SDK2: variants seen among roughly 807,000 people sequenced by gnomAD.
The protein encoded by SDK2 is protein sidekick-2.
A neutral mutation model predicts 253.9 loss-of-function variants in SDK2; 105 were observed. The observed-to-expected ratio is 0.41, with a 90% CI of 0.35 to 0.49. The LOEUF (loss-of-function observed/expected upper bound fraction) is 0.49, where lower values mean the gene tolerates loss of function less well. SDK2 is among the 20% of genes least tolerant of loss of function. SDK2 has a pLI of 0.06. For missense variants in SDK2, 2,608 were observed against 3,003.0 expected (o/e 0.87, Z 3.07); for synonymous variants, 1,249 against 1,234.9 (o/e 1.01, Z -0.24).
intron 2 of SDK2, among the ~76,000 whole-genome samples, chr17:73,495,640 GTGTGTT>G (rs1342059159): frequency 4.0e-5 from 6 of 149,474 alleles, no homozygotes; most frequent in Non-Finnish European, 6.0e-5. Context: ...GTGTGTGTGT[GTGTGTT>G]TGTTTGTGTA....
intron 44 of SDK2, among the ~76,000 whole-genome samples, chr17:73,343,040 C>G (rs2062452517): frequency 6.6e-6 from 1 of 152,176 alleles, no homozygotes; most frequent in Admixed American, 6.5e-5. Context: ...GCTGATACCC[C>G]ACCCACTAAC....
Position 73,338,880 on chromosome 17 carries a change from G to A in SDK2, c.6226C>T (p.His2076Tyr), listed in dbSNP as rs764171975. The A allele has an allele frequency of 3.1e-6, 5 of 1,614,030 alleles. No homozygotes were observed. The highest frequency in any genetic ancestry group is 4.2e-6 in the Non-Finnish European group (5 of 1,179,908). ...NHQKAHSFVN[H>Y]YISDPTYYNS... ...TAGTATGTGGGGTCACTGATGTAGTGGTTGACAAAGGAGTGGGCCTTCTGG... is the reference window on the plus strand; with the variant it reads ...TAGTATGTGGGGTCACTGATGTAGTAGTTGACAAAGGAGTGGGCCTTCTGG... The change falls in exon 45 of 45, where the codon CAC becomes TAC. Residue 2076 changes from histidine to tyrosine, a missense_variant. By Grantham distance (83) the His-to-Tyr change is moderately conservative. Coordinates refer to ENST00000392650, the MANE Select transcript of SDK2 (RefSeq NM_001144952.2). This position sits in a 1 kb window ranked among gnomAD's most constrained non-coding sequence, Gnocchi z 5.0.
intron 3 of SDK2, among the ~76,000 whole-genome samples, chr17:73,464,000 C>G (rs770009638): frequency 1.3e-5 from 2 of 152,232 alleles, no homozygotes; most frequent in Non-Finnish European, 1.5e-5. Flanking sequence ...TCCACCAACA[C>G]TTGGTGTTGT....
chr17:73,399,166 A>C lies in SDK2; in HGVS notation c.3093+2T>G, dbSNP rs758637505. The stretch of plus-strand genomic sequence containing the variant: ...GCTGGTCAGGCCCCAGGCCTGCCCT[A>C]CCTGGGCTTCCACCAGCCAGCGGGA... On this transcript the variant is annotated splice_donor_variant, in intron 22 of 44. Transcript: ENST00000392650. LOFTEE classifies it high-confidence loss of function. 1.2e-6 allele frequency: 2 copies of C among 1,613,408 alleles called. No homozygotes were observed. The highest frequency in any genetic ancestry group is 1.7e-6 in the Non-Finnish European group (2 of 1,179,846).
chr17:73,548,151 C>A (rs1250949973), intron 1 of SDK2, among the ~76,000 whole-genome samples: 1 of 152,180 alleles, frequency 6.6e-6, no homozygotes, highest in Non-Finnish European at 1.5e-5. Flanking sequence ...AGAGCCAAAC[C>A]CTATCAATGG....
intron 30 of SDK2, among the ~76,000 whole-genome samples, chr17:73,387,035 A>G: frequency 6.6e-6 from 1 of 152,136 alleles, no homozygotes; most frequent in East Asian, 1.9e-4. Context: ...ATCTTGGCTC[A>G]CTGCAACCTC....
At chr17:73,414,175 G>A (rs895150800) in intron 18 of SDK2, among the ~76,000 whole-genome samples, 1 of 151,732 alleles carries the variant, frequency 6.6e-6, no homozygotes, top group African/African-American at 2.4e-5. Context: ...AGCCTCCCGA[G>A]TAGCTGGGAT....
intron 1 of SDK2, among the ~76,000 whole-genome samples, chr17:73,513,408 A>G (rs1220304010): frequency 6.6e-6 from 1 of 152,102 alleles, no homozygotes; most frequent in Non-Finnish European, 1.5e-5. Context: ...ATAAGATACC[A>G]TTTTTTCCCT....
At chr17:73,550,698 G>T (rs560310352) in intron 1 of SDK2, among the ~76,000 whole-genome samples, 3 of 152,210 alleles carry the variant, frequency 2.0e-5, no homozygotes, top group African/African-American at 7.2e-5. Context: ...GGCTATACTC[G>T]CACAGAAGGA....
chr17:73,504,608 G>A (rs1308140190), intron 2 of SDK2: 1 of 146,800 alleles, frequency 6.8e-6, no homozygotes, highest in Non-Finnish European at 1.5e-5. Context: ...CTCCAGCCTG[G>A]GGGACAGAGC....
At chr17:73,602,724 TTTGTTGTTG>T (rs563554447) in intron 1 of SDK2, among the ~76,000 whole-genome samples, 1 of 151,408 alleles carries the variant, frequency 6.6e-6, no homozygotes, top group Non-Finnish European at 1.5e-5. Context: ...CTGGCGCTAT[TTTGTTGTTG>T]TTGTTGTTGT....
At chr17:73,527,545 C>T (rs1357214859) in intron 1 of SDK2, among the ~76,000 whole-genome samples, 2 of 152,120 alleles carry the variant, frequency 1.3e-5, no homozygotes, top group African/African-American at 4.8e-5. Flanking sequence ...GAAGAGGGAA[C>T]AGGAGAAGAA....
chr17:73,504,208 G>GTA (rs1193686765), intron 2 of SDK2: 10 of 148,544 alleles, frequency 6.7e-5, no homozygotes, highest in African/African-American at 2.5e-4. Context: ...GTGTGTGTGT[G>GTA]TGTGTGTGAG....
chr17:73,557,098 G>A (rs2145845523), intron 1 of SDK2, among the ~76,000 whole-genome samples: 1 of 152,334 alleles, frequency 6.6e-6, no homozygotes, highest in East Asian at 1.9e-4. Context: ...ATAAAACCGA[G>A]CAAATCAATT....
rs2045996727 is a variant in SDK2 at position 73,612,982 on chromosome 17, C to A, written c.64+31043G>T. ...AGCCTACCAGATGTTTAGTATACAC[C>A]AGGCTCTGTGCGACATGCTGTCTGA... is the stretch of plus-strand genomic sequence containing the variant. On this transcript the variant is annotated intron_variant, in intron 1 of 44. Transcript: ENST00000392650. The surrounding 1 kb of genome is among the most constrained non-coding windows in gnomAD (Gnocchi z 4.4). 6.6e-6 allele frequency among the ~76,000 whole-genome samples: 1 copy of A among 152,132 alleles called. No homozygotes were observed. The highest frequency in any genetic ancestry group is 2.1e-4 in the South Asian group (1 of 4,822).
intron 3 of SDK2, among the ~76,000 whole-genome samples, chr17:73,459,828 T>C (rs1225334628): frequency 6.6e-6 from 1 of 152,170 alleles, no homozygotes; most frequent in East Asian, 1.9e-4. Context: ...TGTGCCCAGC[T>C]AGGACAAAAC....
intron 3 of SDK2, among the ~76,000 whole-genome samples, chr17:73,469,992 G>GCGCGCGCACA (rs1328450219): frequency 9.7e-4 from 123 of 126,254 alleles, no homozygotes; most frequent in African/African-American, 3.0e-3. Flanking sequence ...GCGCGCGCGC[G>GCGCGCGCACA]CACACACACA....
intron 2 of SDK2, among the ~76,000 whole-genome samples, chr17:73,493,742 C>T (rs1244107301): frequency 1.3e-5 from 2 of 152,186 alleles, no homozygotes; most frequent in Non-Finnish European, 2.9e-5. Flanking sequence ...CTAATGAAGG[C>T]ATGTTGTGCA....
rs967984692 is a variant in SDK2 at position 73,361,959 on chromosome 17, C to T, written c.5306-114G>A. On this transcript the variant is annotated intron_variant, in intron 38 of 44. Coordinates refer to ENST00000392650, the MANE Select transcript of SDK2 (RefSeq NM_001144952.2). This position sits in a 1 kb window ranked among gnomAD's most constrained non-coding sequence, Gnocchi z 4.1. Reference sequence around the variant, plus strand: ...GCCCCGGGACCCTGGGTAGGGGCCTCACTCCTTGAGGTCAGGCTGAAATGC... The same window carrying T: ...GCCCCGGGACCCTGGGTAGGGGCCTTACTCCTTGAGGTCAGGCTGAAATGC... 1.4e-5 allele frequency: 14 copies of T among 1,029,920 alleles called. No individual in the cohort carries two copies. In the Admixed American group the frequency reaches 2.5e-4, roughly 18 times the overall value. 63.8% of individuals were successfully genotyped at this position (1,029,920 alleles called of 1,614,324 possible).
Sources: gnomAD v4.1 joint callset for allele counts (sites outside exome capture counted in the v4.1 genomes callset) on GRCh38, gnomAD v4.1.1 for gene constraint, Gnocchi (gnomAD v3.1) non-coding constraint, MANE v1.5 for transcripts, NCBI Gene and HGNC (gene_info 2026-07-23, HGNC 2026-07-21) for gene names.